CWC27: variants seen among roughly 807,000 people sequenced by gnomAD.
The protein encoded by CWC27 is spliceosome-associated protein CWC27 homolog.
CWC27 carries 47 observed loss-of-function variants against 63.6 expected under a neutral mutation model. The observed-to-expected ratio is 0.74, with a 90% CI of 0.58 to 0.94. CWC27 has a LOEUF of 0.94. CWC27 is among the 40% of genes least tolerant of loss of function. The probability of loss-of-function intolerance (pLI) is 0.00; values close to 1 mark genes in which losing one functional copy is unlikely to be tolerated. For missense variants in CWC27, 495 were observed against 554.3 expected (o/e 0.89, Z 1.07); for synonymous variants, 175 against 179.8 (o/e 0.97, Z 0.22).
At chr5:64,954,221 C>T (rs1748762118) in intron 11 of CWC27, among the ~76,000 whole-genome samples, 1 of 152,108 alleles carries the variant, frequency 6.6e-6, no homozygotes, top group South Asian at 2.1e-4. Context: ...TCAGCTTTTA[C>T]CAAAAGCATA....
chr5:64,885,739 T>TGTGTGTGTGTGTGTGTGTGTG (rs1427858737), intron 11 of CWC27, among the ~76,000 whole-genome samples, 193 bp downstream of exon 11: 4 of 24,280 alleles, frequency 1.6e-4, no homozygotes, highest in African/African-American at 2.9e-4. Flanking sequence ...GTGTGTGTGT[T>TGTGTGTGTGTGTGTGTGTGTG]TTTAATACTT....
intron 11 of CWC27, among the ~76,000 whole-genome samples, chr5:64,929,733 C>A: frequency 6.6e-6 from 1 of 151,516 alleles, no homozygotes; most frequent in Middle Eastern, 3.4e-3. Flanking sequence ...TGGGCAAGGA[C>A]GTGGAGAAAT....
At chr5:64,988,449 C>T (rs963996193) in intron 13 of CWC27, among the ~76,000 whole-genome samples, 1 of 152,182 alleles carries the variant, frequency 6.6e-6, no homozygotes, top group African/African-American at 2.4e-5. Context: ...TTATAGCAGA[C>T]AACCCATTTG....
chr5:64,877,569 A>G (rs1746823379), intron 10 of CWC27, among the ~76,000 whole-genome samples: 1 of 151,996 alleles, frequency 6.6e-6, no homozygotes, highest in African/African-American at 2.4e-5. Flanking sequence ...TGAAATTTAC[A>G]CAACACAGAA....
At chr5:64,776,423 G>A (rs148607245) in intron 2 of CWC27, among the ~76,000 whole-genome samples, 56 of 152,208 alleles carry the variant, frequency 3.7e-4, no homozygotes, top group Non-Finnish European at 6.3e-4. Context: ...TGACAGTGAA[G>A]AAGAAATGAG....
chr5:64,873,156 G>A (rs1746715439), intron 10 of CWC27, among the ~76,000 whole-genome samples: 1 of 152,086 alleles, frequency 6.6e-6, no homozygotes. Context: ...CAAAAGGAAT[G>A]CATAAGCTTT....
chr5:64,819,839 C>T (rs1745145511), intron 10 of CWC27, among the ~76,000 whole-genome samples: 1 of 152,116 alleles, frequency 6.6e-6, no homozygotes, highest in African/African-American at 2.4e-5. Flanking sequence ...GGAATTACAA[C>T]CTAAGGATGG....
At chr5:64,797,037 A>G (rs373409195) in intron 7 of CWC27, among the ~76,000 whole-genome samples, 3 of 138,000 alleles carry the variant, frequency 2.2e-5, no homozygotes, top group South Asian at 4.4e-4. Context: ...GTTCTTGGAT[A>G]TGAAGTTCCA....
At chr5:64,898,664 GGA>G (rs1294041870) in intron 11 of CWC27, among the ~76,000 whole-genome samples, 1 of 151,808 alleles carries the variant, frequency 6.6e-6, no homozygotes, top group Admixed American at 6.6e-5. Flanking sequence ...AAAGAAAGAG[GGA>G]GAGAGAGGCA....
Position 64,858,137 on chromosome 5 carries a change from C to CAA in CWC27, c.939-27280_939-27279dup, listed in dbSNP as rs529762534. On this transcript the variant is annotated intron_variant, in intron 10 of 13. Coordinates refer to ENST00000381070, the MANE Select transcript of CWC27 (RefSeq NM_005869.4). The stretch of plus-strand genomic sequence containing the variant: ...TGGGCGACAGAGCGAGACTCCGTCT[C>CAA]AAAAAAAAAAAAAAAAAAAAAAAAA... 1.8e-3 allele frequency among the ~76,000 whole-genome samples: 42 copies of CAA among 23,098 alleles called. 1 individual carries two copies. The highest frequency in any genetic ancestry group is 7.0e-3 in the African/African-American group (36 of 5,158). The allele number at this position is 23,098 out of a possible 152,430, so 15.2% of individuals were successfully genotyped here.
At chr5:64,811,879 C>CT (rs1744887939) in intron 10 of CWC27, among the ~76,000 whole-genome samples, 2 of 151,872 alleles carry the variant, frequency 1.3e-5, no homozygotes, top group African/African-American at 4.8e-5. Context: ...GTTTTCATAC[C>CT]TTCTAAGGTC....
At chr5:64,779,758 A>G (rs1315550186) in intron 2 of CWC27, among the ~76,000 whole-genome samples, 3 of 152,008 alleles carry the variant, frequency 2.0e-5, no homozygotes, top group Admixed American at 6.6e-5. Flanking sequence ...TAATCCCCAC[A>G]TGTCTAGGGC....
At chr5:64,976,565 C>T (rs951172680) in intron 12 of CWC27, among the ~76,000 whole-genome samples, 2 of 151,990 alleles carry the variant, frequency 1.3e-5, no homozygotes, top group Non-Finnish European at 2.9e-5. Context: ...GACAGTCTCA[C>T]TCTGTTACCC....
chr5:64,770,585 T>G (rs1455991642), intron 1 of CWC27, among the ~76,000 whole-genome samples: 1 of 152,218 alleles, frequency 6.6e-6, no homozygotes, highest in African/African-American at 2.4e-5. Context: ...TTAGTTTTTT[T>G]CATGGTATTT....
chr5:64,800,050 G>A, intron 7 of CWC27, among the ~76,000 whole-genome samples, 198 bp from the exon 8 acceptor site: 1 of 151,978 alleles, frequency 6.6e-6, no homozygotes. Context: ...AAGAAAAGGT[G>A]TTTCTAAAAT....
At chr5:64,911,005 G>A (rs1241250931) in intron 11 of CWC27, among the ~76,000 whole-genome samples, 1 of 152,132 alleles carries the variant, frequency 6.6e-6, no homozygotes, top group Admixed American at 6.5e-5. Context: ...ACCTCAGTTG[G>A]AAATGCAGAA....
At chr5:64,939,036 T>G (rs1043211229) in intron 11 of CWC27, among the ~76,000 whole-genome samples, 2 of 152,210 alleles carry the variant, frequency 1.3e-5, no homozygotes, top group Non-Finnish European at 2.9e-5. Context: ...TTAGCTTCCT[T>G]GCATTGGTTT....
At chr5:64,785,626 A>C in intron 5 of CWC27, 47 bp downstream of exon 5, 1 of 1,178,984 alleles carries the variant, frequency 8.5e-7, no homozygotes, top group Non-Finnish European at 1.3e-6. Flanking sequence ...TTGTCGTTTA[A>C]GAGGAATTGA....
rs1350441319 is a variant in CWC27 at position 64,905,123 on chromosome 5, C to A, written c.1042+19577C>A. On this transcript the variant is annotated intron_variant, in intron 11 of 13. Coordinates refer to ENST00000381070, the MANE Select transcript of CWC27 (RefSeq NM_005869.4). ...GGCTGAGGCAGGATAATTGCTTGAA[C>A]CTGTGATGCAGAGGTTGCAGTGAGC... Among the ~76,000 whole-genome samples, 3 of 147,998 alleles carry A rather than the reference C, an allele frequency of 2.0e-5. No individual in the cohort carries two copies. In the Admixed American group the frequency reaches 2.0e-4, roughly 10 times the overall value.
Sources: gnomAD v4.1 joint callset for allele counts (sites outside exome capture counted in the v4.1 genomes callset) on GRCh38, gnomAD v4.1.1 for gene constraint, MANE v1.5 for transcripts, NCBI Gene and HGNC (gene_info 2026-07-23, HGNC 2026-07-21) for gene names.